RIT2: variants seen among roughly 807,000 people sequenced by gnomAD.
RIT2 encodes GTP-binding protein Rit2.
RIT2 carries 24 observed loss-of-function variants against 23.7 expected under a neutral mutation model. The observed-to-expected ratio is 1.01, with a 90% CI of 0.73 to 1.43. The LOEUF is 1.43. RIT2 is among the 40% of genes most tolerant of loss of function. The pLI is 0.00. For synonymous variants in RIT2, 107 were observed against 91.1 expected, an observed-to-expected ratio of 1.17 and a Z score of -0.99; for missense variants, 236 against 266.9, an observed-to-expected ratio of 0.88 and a Z score of 0.81.
At chr18:42,856,067 T>C (rs772331077) in intron 4 of RIT2, among the ~76,000 whole-genome samples, 2 of 152,236 alleles carry the variant, frequency 1.3e-5, no homozygotes, top group Non-Finnish European at 2.9e-5. Context: ...CGAAAGTGCC[T>C]AGCCATAGAA....
chr18:43,080,022 A>C (rs570788927), intron 1 of RIT2, among the ~76,000 whole-genome samples: 1 of 152,322 alleles, frequency 6.6e-6, no homozygotes, highest in African/African-American at 2.4e-5. Context: ...TTGTATTCAA[A>C]AAGTAATTAA....
At chr18:43,113,790 A>C (rs1914005621) in intron 1 of RIT2, among the ~76,000 whole-genome samples, 1 of 152,158 alleles carries the variant, frequency 6.6e-6, no homozygotes, top group South Asian at 2.1e-4. Context: ...AGCAAACAAA[A>C]GCAATACAGA....
At chr18:42,795,132 G>A (rs1662714228) in intron 4 of RIT2, among the ~76,000 whole-genome samples, 1 of 152,208 alleles carries the variant, frequency 6.6e-6, no homozygotes, top group Admixed American at 6.5e-5. Flanking sequence ...CTCTGCCTGG[G>A]CTCCCACTTT....
rs549365546 is a variant in RIT2, at chr18:43,093,332, T to A, written c.103+22085A>T. Among the ~76,000 whole-genome samples, 79 of 152,200 alleles carry A rather than the reference T, an allele frequency of 5.2e-4. No homozygotes were observed. In the South Asian group the frequency reaches 0.016, roughly 30 times the overall value. ...GCTGTACCTCCCTCCCTACTATCAA[T>A]GGCAAAGCCTAACAGCTAGTTTTCA... On this transcript the variant is annotated intron_variant, in intron 1 of 4. Coordinates refer to ENST00000326695, the MANE Select transcript of RIT2 (RefSeq NM_002930.4).
At chr18:42,841,645 T>C (rs1435392422) in intron 4 of RIT2, among the ~76,000 whole-genome samples, 1 of 152,188 alleles carries the variant, frequency 6.6e-6, no homozygotes, top group Non-Finnish European at 1.5e-5. Flanking sequence ...TCTGTGTACT[T>C]CCATAGCTAC....
intron 4 of RIT2, among the ~76,000 whole-genome samples, chr18:42,918,946 T>C (rs1272796646): frequency 6.6e-6 from 1 of 152,134 alleles, no homozygotes; most frequent in African/African-American, 2.4e-5. Context: ...CCCACATGGG[T>C]CTCTCCTGGT....
chr18:43,079,983 A>G (rs2144346514), intron 1 of RIT2, among the ~76,000 whole-genome samples: 1 of 152,316 alleles, frequency 6.6e-6, no homozygotes, highest in South Asian at 2.1e-4. Context: ...GCTATTAAAT[A>G]CTGGTTTTAT....
chr18:42,985,308 A>C (rs1440611606), intron 2 of RIT2, among the ~76,000 whole-genome samples: 1 of 152,158 alleles, frequency 6.6e-6, no homozygotes. Context: ...TGCCATGTTT[A>C]TGGGTTGGAT....
chr18:42,828,715 T>C (rs775323396), intron 4 of RIT2, among the ~76,000 whole-genome samples: 21 of 152,224 alleles, frequency 1.4e-4, no homozygotes, highest in Non-Finnish European at 2.5e-4. Context: ...ACTGTCACCA[T>C]GGCCTGGAGC....
chr18:43,108,863 A>C (rs773904143), intron 1 of RIT2, among the ~76,000 whole-genome samples: 13 of 152,116 alleles, frequency 8.5e-5, no homozygotes, highest in Non-Finnish European at 1.3e-4. Flanking sequence ...GGAATCTTAA[A>C]ATCTTTTTGC....
intron 4 of RIT2, among the ~76,000 whole-genome samples, chr18:42,794,995 T>G (rs943713008): frequency 6.6e-6 from 1 of 152,242 alleles, no homozygotes; most frequent in African/African-American, 2.4e-5. Flanking sequence ...ACTAACATTT[T>G]AAATGTTTTT....
At chr18:43,012,937 T>A (rs1408200112) in intron 2 of RIT2, among the ~76,000 whole-genome samples, 1 of 151,810 alleles carries the variant, frequency 6.6e-6, no homozygotes, top group South Asian at 2.1e-4. Context: ...TATAATCATT[T>A]GAGAAATTCT....
intron 3 of RIT2, among the ~76,000 whole-genome samples, chr18:42,933,135 T>C (rs1322089514): frequency 6.6e-6 from 1 of 152,230 alleles, no homozygotes; most frequent in African/African-American, 2.4e-5. Context: ...AACAAATAAA[T>C]GCCATTTAGA....
At chr18:42,898,731 G>A (rs966642459) in intron 4 of RIT2, among the ~76,000 whole-genome samples, 1 of 152,028 alleles carries the variant, frequency 6.6e-6, no homozygotes, top group Non-Finnish European at 1.5e-5. Context: ...CTTCCTTTTA[G>A]TTATCTTCGA....
At chr18:42,883,531 T>C (rs147643457) in intron 4 of RIT2, among the ~76,000 whole-genome samples, 90 of 152,172 alleles carry the variant, frequency 5.9e-4, no homozygotes, top group African/African-American at 2.1e-3. Flanking sequence ...ATGCTTCAGG[T>C]TTTTCAGATT....
In RIT2 at chr18:42,824,422, A is replaced by G. The variant is rs548788961; in HGVS notation, c.427-80702T>C. 3.3e-5 allele frequency among the ~76,000 whole-genome samples: 5 copies of G among 152,204 alleles called. No individual in the cohort carries two copies. In the East Asian group the frequency reaches 7.7e-4, roughly 24 times the overall value. ...TCCATTCTTTCTTGGAATTAAGTCA[A>G]TATAAGAGTGCAATATTCATAGCTA... On this transcript the variant is annotated intron_variant, in intron 4 of 4. Transcript: ENST00000326695.
At position 42,792,432 on chromosome 18, in the gene RIT2, C is replaced by T. The variant is rs73484697; in HGVS notation, c.427-48712G>A. Among the ~76,000 whole-genome samples the T allele has an allele frequency of 4.5e-3, 688 of 152,260 alleles. 7 individuals are homozygous for T. The highest frequency in any genetic ancestry group is 0.016 in the African/African-American group (658 of 41,550). ...TCAGTCATTGCAATGTAACTAGGCT[C>T]AACTCACAATTCCATTGCTATTTTC... On this transcript the variant is annotated intron_variant, in intron 4 of 4. Transcript: ENST00000326695.
chr18:42,796,072 A>G (rs575021266), intron 4 of RIT2, among the ~76,000 whole-genome samples: 1 of 152,148 alleles, frequency 6.6e-6, no homozygotes, highest in Admixed American at 6.5e-5. Flanking sequence ...CAACCCGCTC[A>G]GGTCCTCTTC....
At chr18:42,771,132 A>T (rs1310900231) in intron 4 of RIT2, among the ~76,000 whole-genome samples, 1 of 151,892 alleles carries the variant, frequency 6.6e-6, no homozygotes, top group Non-Finnish European at 1.5e-5. Flanking sequence ...ATTTTTTTTT[A>T]TTTAAATATA....
Sources: allele counts gnomAD v4.1 joint callset (sites outside exome capture counted in the v4.1 genomes callset), GRCh38; gene constraint gnomAD v4.1.1; transcripts MANE v1.5; gene names NCBI Gene and HGNC (gene_info 2026-07-23, HGNC 2026-07-21).